The following ANXA5 variants were observed in gnomAD, a reference collection of about 807,000 sequenced individuals.
ANXA5 encodes the protein CBP-I.
ANXA5 carries 40 observed loss-of-function variants against 48.1 expected under a neutral mutation model. The ratio of observed to expected loss-of-function variants is 0.83; its 90% CI spans 0.65 to 1.08. The LOEUF is 1.08. Ranked by LOEUF, ANXA5 falls within the 50% of genes least tolerant of loss-of-function variation. The probability of loss-of-function intolerance (pLI) is 0.00; values close to 1 mark genes in which losing one functional copy is unlikely to be tolerated. For synonymous variants in ANXA5, 113 were observed against 129.1 expected (o/e 0.88, Z 0.85); for missense variants, 357 against 376.8 (o/e 0.95, Z 0.44).
intron 2 of ANXA5, among the ~76,000 whole-genome samples, chr4:121,688,713 T>G (rs997840210): frequency 4.6e-5 from 7 of 152,128 alleles, no homozygotes; most frequent in African/African-American, 1.7e-4. Flanking sequence ...CTAAGTCAAG[T>G]GGTATGATCA....
intron 2 of ANXA5, 145 bp from the exon 3 acceptor site, chr4:121,686,517 T>G: frequency 1.5e-6 from 1 of 652,678 alleles, no homozygotes; most frequent in South Asian, 1.9e-5. Context: ...CCTTTTGAAC[T>G]GGGAAGGGAA....
At chr4:121,680,048 C>G (rs1724763921) in intron 6 of ANXA5, among the ~76,000 whole-genome samples, 1 of 152,134 alleles carries the variant, frequency 6.6e-6, no homozygotes, top group African/African-American at 2.4e-5. Context: ...GTCCCTTCTC[C>G]CATTCACCCC....
In ANXA5 at chr4:121,668,437, C is replaced by A. The variant is rs1431663956; in HGVS notation, c.*31G>T. 6.2e-7 allele frequency: 1 copy of A among 1,609,334 alleles called. No homozygotes were observed. Among genetic ancestry groups the A allele is most frequent in the South Asian group, 1.1e-5 (1 of 90,958 alleles). The stretch of plus-strand genomic sequence containing the variant: ...AAGGAAGGCAGTGGGGTGGTGCAGG[C>A]ACACAGCAGGGAGCTCTTCCCCGTG... On this transcript the variant is annotated 3_prime_UTR_variant, in exon 13 of 13. Transcript: ENST00000296511.
chr4:121,685,103 CAT>C (rs1357973232), intron 3 of ANXA5, among the ~76,000 whole-genome samples: 8 of 151,036 alleles, frequency 5.3e-5, no homozygotes. Flanking sequence ...CAAATACACA[CAT>C]ATATATAAAT....
intron 9 of ANXA5, among the ~76,000 whole-genome samples, chr4:121,672,316 C>A (rs1268302773): frequency 6.6e-6 from 1 of 152,170 alleles, no homozygotes; most frequent in Non-Finnish European, 1.5e-5. Flanking sequence ...CCTTGCCATC[C>A]TCCAATAGTG....
intron 2 of ANXA5, 68 bp downstream of exon 2, chr4:121,696,513 A>C (rs1047406851): frequency 1.2e-5 from 16 of 1,307,138 alleles, no homozygotes; most frequent in Non-Finnish European, 1.6e-5. Context: ...GACAAATCCT[A>C]AAAGTCCCTC....
chr4:121,679,520 T>C (rs1407406033), intron 6 of ANXA5, among the ~76,000 whole-genome samples: 1 of 152,162 alleles, frequency 6.6e-6, no homozygotes, highest in African/African-American at 2.4e-5. Flanking sequence ...TCCAAATTCC[T>C]AATCCAGTCA....
rs138832125 is a variant in ANXA5 at position 121,682,877 on chromosome 4, T to C, written c.303+487A>G. Among the ~76,000 whole-genome samples, 17 of 152,260 alleles carry C rather than the reference T, an allele frequency of 1.1e-4. No homozygotes were observed. The East Asian group carries it at 2.9e-3, about 26-fold the overall frequency. Reference sequence around the variant, plus strand: ...TTAATTTTTGCTGCAACTGAAATTATAGCAAGTTTACCAGCTACTTCATTT... The same window carrying C: ...TTAATTTTTGCTGCAACTGAAATTACAGCAAGTTTACCAGCTACTTCATTT... On this transcript the variant is annotated intron_variant, in intron 5 of 12. Coordinates refer to ENST00000296511, the MANE Select transcript of ANXA5 (RefSeq NM_001154.4).
chr4:121,676,095 T>C (rs1240163497), intron 8 of ANXA5, among the ~76,000 whole-genome samples: 1 of 152,050 alleles, frequency 6.6e-6, no homozygotes, highest in African/African-American at 2.4e-5. Context: ...CTCTTGACAG[T>C]AGGAATGAGA....
chr4:121,678,211 A>T (rs540658704), intron 7 of ANXA5: 7 of 610,342 alleles, frequency 1.1e-5, no homozygotes, highest in Admixed American at 3.0e-5. Context: ...TATCTAAAAC[A>T]TGTATGAGTT....
At chr4:121,695,496 C>G (rs1725064053) in intron 2 of ANXA5, among the ~76,000 whole-genome samples, 1 of 152,198 alleles carries the variant, frequency 6.6e-6, no homozygotes, top group Admixed American at 6.5e-5. Context: ...GTTAGATTGA[C>G]AAGATCTGTG....
intron 2 of ANXA5, among the ~76,000 whole-genome samples, chr4:121,690,259 C>T (rs894874845): frequency 2.0e-5 from 3 of 152,152 alleles, no homozygotes; most frequent in Non-Finnish European, 2.9e-5. Flanking sequence ...GGACTTGAAG[C>T]CACAGGACCT....
intron 6 of ANXA5, among the ~76,000 whole-genome samples, chr4:121,680,779 C>T (rs1349346479): frequency 6.6e-6 from 1 of 152,174 alleles, no homozygotes; most frequent in Non-Finnish European, 1.5e-5. Context: ...ACATGTATCA[C>T]TTCTGCCTTA....
chr4:121,696,685 C>G, intron 1 of ANXA5, 61 bp from the exon 2 acceptor site: 1 of 1,163,598 alleles, frequency 8.6e-7, no homozygotes. Flanking sequence ...CCTCCCCAAG[C>G]GCAGGTCCGC....
intron 2 of ANXA5, among the ~76,000 whole-genome samples, chr4:121,686,909 A>C (rs1296384921): frequency 6.6e-6 from 1 of 152,248 alleles, no homozygotes; most frequent in Non-Finnish European, 1.5e-5. Context: ...AACTTTATAA[A>C]GGTGTATTGG....
intron 2 of ANXA5, among the ~76,000 whole-genome samples, chr4:121,690,158 C>T (rs1724957810): frequency 6.6e-6 from 1 of 152,164 alleles, no homozygotes; most frequent in Admixed American, 6.5e-5. Context: ...CAGGGAAATC[C>T]CATCTTACAG....
chr4:121,674,919 G>A (rs1724673285), intron 8 of ANXA5, among the ~76,000 whole-genome samples: 1 of 152,124 alleles, frequency 6.6e-6, no homozygotes, highest in Admixed American at 6.6e-5. Context: ...AACAGATGTG[G>A]TCTATCTGCA....
At position 121,678,490 on chromosome 4, in the gene ANXA5, A is replaced by G. The variant is rs1724735208; in HGVS notation, c.399T>C (p.Tyr133=). 3.1e-6 allele frequency: 5 copies of G among 1,612,934 alleles called. No individual in the cohort carries two copies. Among genetic ancestry groups the G allele is most frequent in the African/African-American group, 2.7e-5 (2 of 75,038 alleles). The change falls in exon 7 of 13, where the codon TAT becomes TAC. Residue 133 remains tyrosine (Y), a synonymous_variant. Transcript: ENST00000296511. ...CCACGTCATCTTCCAGGCTTGAGCC[A>G]TATTCTGCAACAAAATAATTTCATA... ...RAIKQVYEEE[Y]GSSLEDDVVG... is the part of the protein sequence containing the mutation.
At chr4:121,675,690 C>T (rs1369765941) in intron 8 of ANXA5, among the ~76,000 whole-genome samples, 1 of 152,216 alleles carries the variant, frequency 6.6e-6, no homozygotes, top group Non-Finnish European at 1.5e-5. Flanking sequence ...CTGCATGACA[C>T]GTAAGTGTCA....
Sources: gnomAD v4.1 joint callset for allele counts (sites outside exome capture counted in the v4.1 genomes callset) on GRCh38, gnomAD v4.1.1 for gene constraint, MANE v1.5 for transcripts, NCBI Gene and HGNC (gene_info 2026-07-23, HGNC 2026-07-21) for gene names.